AGAP1: variants seen among roughly 807,000 people sequenced by gnomAD.
AGAP1 encodes the protein ArfGAP with GTPase domain, ankyrin repeat and PH domain 1.
In AGAP1, 29 loss-of-function variants were observed where a neutral mutation model predicts 105.3. The ratio of observed to expected loss-of-function variants is 0.28; its 90% CI spans 0.21 to 0.38. The LOEUF (loss-of-function observed/expected upper bound fraction) is 0.38. Ranked by LOEUF, AGAP1 falls within the 10% of genes least tolerant of loss-of-function variation. The pLI is 1.00. For synonymous variants in AGAP1, 509 were observed against 485.9 expected (o/e 1.05, Z -0.63); for missense variants, 998 against 1,165.1 (o/e 0.86, Z 2.09).
rs892441150 is a variant in AGAP1 at position 235,824,379 on chromosome 2, G to A, written c.1050+17048G>A. Among the ~76,000 whole-genome samples, 5 of 152,188 alleles carry A rather than the reference G, an allele frequency of 3.3e-5. No homozygotes were observed. The highest frequency in any genetic ancestry group is 3.3e-4 in the Admixed American group (5 of 15,288). On this transcript the variant is annotated intron_variant, in intron 9 of 17. Transcript: ENST00000304032. This position sits in a 1 kb window ranked among gnomAD's most constrained non-coding sequence, Gnocchi z 5.2. ...GTACTCACTGTGGGTCTTGCAAATT[G>A]GTAACTGGTAGCTACCAGTGTAATT...
intron 1 of AGAP1, among the ~76,000 whole-genome samples, chr2:235,524,036 A>G (rs928790478): frequency 6.6e-6 from 1 of 152,170 alleles, no homozygotes; most frequent in African/African-American, 2.4e-5. Flanking sequence ...CGGCTTCCCC[A>G]TCCTTCCAGT....
At position 235,553,303 on chromosome 2, in the gene AGAP1, C is replaced by T. The variant is rs1029955749; in HGVS notation, c.163+58454C>T. Among the ~76,000 whole-genome samples, 1 of 151,006 alleles carries T rather than the reference C, an allele frequency of 6.6e-6. No homozygotes were observed. Among genetic ancestry groups the T allele is most frequent in the Non-Finnish European group, 1.5e-5 (1 of 67,890 alleles). ...CAAGAGATGACCAACGACTGGACAT[C>T]TGGGAGGCAGTGGGGGTCAGAGGAA... On this transcript the variant is annotated intron_variant, in intron 1 of 17. Transcript: ENST00000304032. The surrounding 1 kb of genome is among the most constrained non-coding windows in gnomAD (Gnocchi z 4.5).
intron 1 of AGAP1, among the ~76,000 whole-genome samples, chr2:235,538,374 C>T (rs571820518): frequency 3.3e-5 from 5 of 151,242 alleles, no homozygotes; most frequent in Non-Finnish European, 7.4e-5. Context: ...CTCAGACTGT[C>T]GGAGAATATG....
Position 235,750,510 on chromosome 2 carries a change from T to C in AGAP1, c.673+22T>C. On this transcript the variant is annotated intron_variant, in intron 6 of 17. Transcript: ENST00000304032. The surrounding 1 kb of genome is among the most constrained non-coding windows in gnomAD (Gnocchi z 5.3). ...GACGGTAAATGCGCGTGGCTGGGAG[T>C]TTAATTTCAGTTCATGATAGACGGG... 5 of 1,613,770 alleles carry C rather than the reference T, an allele frequency of 3.1e-6. No individual in the cohort carries two copies. Among genetic ancestry groups the C allele is most frequent in the Non-Finnish European group, 3.4e-6 (4 of 1,179,800 alleles).
rs1311644863 is a variant in AGAP1 at position 235,752,353 on chromosome 2, A to C, written c.673+1865A>C. Reference sequence around the variant, plus strand: ...CTGCCACACCTGGCTAATTTTTTGCATTTTAGTAGAGATGGGATTTTCACC... The same window carrying C: ...CTGCCACACCTGGCTAATTTTTTGCCTTTTAGTAGAGATGGGATTTTCACC... On this transcript the variant is annotated intron_variant, in intron 6 of 17. Transcript: ENST00000304032. This position sits in a 1 kb window ranked among gnomAD's most constrained non-coding sequence, Gnocchi z 4.3. 6.6e-6 allele frequency among the ~76,000 whole-genome samples: 1 copy of C among 152,028 alleles called. No individual in the cohort carries two copies. The highest frequency in any genetic ancestry group is 1.5e-5 in the Non-Finnish European group (1 of 67,996).
intron 1 of AGAP1, among the ~76,000 whole-genome samples, chr2:235,592,953 GT>G (rs987991612): frequency 6.6e-6 from 1 of 152,190 alleles, no homozygotes; most frequent in Non-Finnish European, 1.5e-5. Flanking sequence ...GACAGCTTCA[GT>G]TAAGGATGAT....
rs1025430888 is a variant in AGAP1, at chr2:235,740,691, A to G, written c.311-272A>G. 3.3e-5 allele frequency among the ~76,000 whole-genome samples: 5 copies of G among 152,250 alleles called. No homozygotes were observed. The highest frequency in any genetic ancestry group is 7.3e-5 in the Non-Finnish European group (5 of 68,044). The stretch of plus-strand genomic sequence containing the variant: ...TCCTGAATTTACATAGAAAGCCCAC[A>G]TGAGAAGTCCACACTAATTGGCCAC... On this transcript the variant is annotated intron_variant, in intron 3 of 17. Transcript: ENST00000304032. This position sits in a 1 kb window ranked among gnomAD's most constrained non-coding sequence, Gnocchi z 5.7.
At chr2:235,618,071 G>A (rs1359516482) in intron 1 of AGAP1, among the ~76,000 whole-genome samples, 1 of 152,038 alleles carries the variant, frequency 6.6e-6, no homozygotes, top group African/African-American at 2.4e-5. Flanking sequence ...GAAGATCTGC[G>A]TCTGTATGTG....
chr2:235,990,299 C>T (rs1018934691), intron 13 of AGAP1, among the ~76,000 whole-genome samples: 2 of 152,310 alleles, frequency 1.3e-5, no homozygotes, highest in African/African-American at 2.4e-5. Flanking sequence ...TGTGTCCAGC[C>T]GCACCTTCCA....
At position 236,105,573 on chromosome 2, in the gene AGAP1, TGA is replaced by T. The variant is rs2059463892; in HGVS notation, c.2115-14616_2115-14615del. On this transcript the variant is annotated intron_variant, in intron 16 of 17. Transcript: ENST00000304032. This position sits in a 1 kb window ranked among gnomAD's most constrained non-coding sequence, Gnocchi z 4.2. ...GTCTTTTTTTTTTTTTTTTTTTTTTTGAGACACAGTCTCGCTCTGTCACCCAG... is the reference window on the plus strand; with the variant it reads ...GTCTTTTTTTTTTTTTTTTTTTTTTTGACACAGTCTCGCTCTGTCACCCAG... Among the ~76,000 whole-genome samples, 1 of 113,326 alleles carries T rather than the reference TGA, an allele frequency of 8.8e-6. No homozygotes were observed. Among genetic ancestry groups the T allele is most frequent in the African/African-American group, 3.9e-5 (1 of 25,840 alleles). 74.3% of individuals were successfully genotyped at this position (113,326 alleles called of 152,430 possible). A position where few individuals can be genotyped will look rare whatever the true frequency, so the allele number is the denominator to read the frequency against.
chr2:235,681,264 C>T (rs1171295608), intron 1 of AGAP1, among the ~76,000 whole-genome samples: 2 of 152,196 alleles, frequency 1.3e-5, no homozygotes, highest in African/African-American at 4.8e-5. Flanking sequence ...CCTCCTCGGC[C>T]TCCCAAAGTG....
Position 236,035,686 on chromosome 2 carries a change from T to C in AGAP1, c.1646-875T>C, listed in dbSNP as rs776748842. On this transcript the variant is annotated intron_variant, in intron 13 of 17. Transcript: ENST00000304032. The surrounding 1 kb of genome is among the most constrained non-coding windows in gnomAD (Gnocchi z 4.2). The stretch of plus-strand genomic sequence containing the variant: ...CTTTTTGCCAGTGGTGCCTCCTCCT[T>C]TGGCGGGGACTTGGGGGCCGGGAGT... Among the ~76,000 whole-genome samples the C allele has an allele frequency of 2.6e-5, 4 of 152,108 alleles. No individual in the cohort carries two copies. The highest frequency in any genetic ancestry group is 5.9e-5 in the Non-Finnish European group (4 of 68,016).
chr2:235,522,981 A>G (rs1398672524), intron 1 of AGAP1, among the ~76,000 whole-genome samples: 1 of 152,148 alleles, frequency 6.6e-6, no homozygotes, highest in African/African-American at 2.4e-5. Flanking sequence ...CAAAACACCT[A>G]AGACTGAGTG....
chr2:235,765,475 G>C (rs934098483), intron 6 of AGAP1, among the ~76,000 whole-genome samples: 13 of 152,142 alleles, frequency 8.5e-5, no homozygotes, highest in Non-Finnish European at 1.2e-4. Flanking sequence ...CAGCAGTCCA[G>C]CCTAAAAAGA....
chr2:235,646,901 C>T (rs1317157538), intron 1 of AGAP1, among the ~76,000 whole-genome samples: 1 of 152,012 alleles, frequency 6.6e-6, no homozygotes, highest in Non-Finnish European at 1.5e-5. Flanking sequence ...TTTGAGAGGC[C>T]GAGGCGGGTG....
At chr2:235,928,597 G>C (rs1390196257) in intron 11 of AGAP1, among the ~76,000 whole-genome samples, 1 of 152,334 alleles carries the variant, frequency 6.6e-6, no homozygotes, top group East Asian at 1.9e-4. Flanking sequence ...CAGGAGGAGA[G>C]CAGGGCGGAG....
intron 6 of AGAP1, among the ~76,000 whole-genome samples, chr2:235,767,024 C>T (rs768532490): frequency 7.3e-5 from 11 of 151,192 alleles, no homozygotes; most frequent in Non-Finnish European, 1.0e-4. Context: ...AGCAATTCTC[C>T]TGATTCAGCC....
chr2:235,966,481 T>TGACC (rs1184663365), intron 12 of AGAP1, among the ~76,000 whole-genome samples: 1 of 152,108 alleles, frequency 6.6e-6, no homozygotes, highest in Non-Finnish European at 1.5e-5. Context: ...CAGGGGACAG[T>TGACC]GACCTGTCCG....
In AGAP1 at chr2:236,061,753, G is replaced by A. The variant is rs1231457902; in HGVS notation, c.2114+12472G>A. On this transcript the variant is annotated intron_variant, in intron 16 of 17. Coordinates refer to ENST00000304032, the MANE Select transcript of AGAP1 (RefSeq NM_001037131.3). This position sits in a 1 kb window ranked among gnomAD's most constrained non-coding sequence, Gnocchi z 4.1. Reference sequence around the variant, plus strand: ...GCCTAATGAGTACGAAACTTCTTTTGGAGACAACGAAAATGATCTGGATTT... The same window carrying A: ...GCCTAATGAGTACGAAACTTCTTTTAGAGACAACGAAAATGATCTGGATTT... Among the ~76,000 whole-genome samples the A allele has an allele frequency of 6.6e-6, 1 of 151,950 alleles. No homozygotes were observed. The highest frequency in any genetic ancestry group is 2.4e-5 in the African/African-American group (1 of 41,328).
Sources: allele counts gnomAD v4.1 joint callset (sites outside exome capture counted in the v4.1 genomes callset), GRCh38; gene constraint gnomAD v4.1.1; non-coding constraint Gnocchi (gnomAD v3.1); transcripts MANE v1.5; gene names NCBI Gene and HGNC (gene_info 2026-07-23, HGNC 2026-07-21).